The following ACSL6 variants were observed in gnomAD, a reference collection of about 807,000 sequenced individuals.
ACSL6 encodes the protein acyl-CoA synthetase long chain family member 6, also known as long-chain-fatty-acid--CoA ligase 6.
ACSL6 carries 47 observed loss-of-function variants against 98.2 expected under a neutral mutation model. The observed-to-expected ratio is 0.48, with a 90% CI of 0.38 to 0.61. The LOEUF is 0.61. ACSL6 is among the 20% of genes least tolerant of loss of function. The pLI is 0.00. For synonymous variants in ACSL6, 362 were observed against 336.9 expected (o/e 1.07, Z -0.82); for missense variants, 761 against 913.4 (o/e 0.83, Z 2.15).
At chr5:131,987,975 C>T (rs1043574903) in intron 7 of ACSL6, 73 bp downstream of exon 7, 1 of 1,571,274 alleles carries the variant, frequency 6.4e-7, no homozygotes, top group Admixed American at 1.7e-5. Context: ...ATGAGAGGGA[C>T]AGATAACCAG....
chr5:131,966,638 G>T, intron 16 of ACSL6, 106 bp from the exon 17 acceptor site: 1 of 954,634 alleles, frequency 1.0e-6, no homozygotes. Context: ...CATCAGGAAA[G>T]CCACTGTGGA....
chr5:132,010,844 G>C (rs1755678631), intron 1 of ACSL6, among the ~76,000 whole-genome samples: 1 of 152,202 alleles, frequency 6.6e-6, no homozygotes, highest in Admixed American at 6.5e-5. Context: ...AGGGAGGTAA[G>C]CGCGGAGGCG....
Position 131,970,168 on chromosome 5 carries a change from T to C in ACSL6, c.1467A>G (p.Thr489=). The C allele has an allele frequency of 1.2e-6, 2 of 1,614,150 alleles. No individual in the cohort carries two copies. Among genetic ancestry groups the C allele is most frequent in the African/African-American group, 1.3e-5 (1 of 75,014 alleles). The part of the protein sequence containing the change: ...VYEGYGQTEC[T]AGCTFTTPGD... The stretch of plus-strand genomic sequence containing the variant: ...CAGGAGTGGTGAAGGTACATCCAGC[T>C]GTGCACTCAGTTTGGCCATAACCTT... Residue 489 remains threonine, a synonymous_variant, in exon 15 of 21, where the codon ACA becomes ACG. Transcript: ENST00000651883.
chr5:132,011,980 G>A, upstream of ACSL6: 1 of 1,508,628 alleles, frequency 6.6e-7, no homozygotes, highest in South Asian at 1.3e-5. This position sits in a 1 kb window ranked among gnomAD's most constrained non-coding sequence, Gnocchi z 5.4. Flanking sequence ...GTGACATTGA[G>A]CCCACCCCGC....
Position 132,011,565 on chromosome 5 carries a change from G to T in ACSL6, c.-12C>A, listed in dbSNP as rs1393306123. The T allele has an allele frequency of 1.3e-6, 2 of 1,573,742 alleles. No individual in the cohort carries two copies. The highest frequency in any genetic ancestry group is 1.7e-6 in the Non-Finnish European group (2 of 1,161,898). ...AAGAAGGTCAGCATGGCGGTCAGCGGGGCCCGGCCCGGCCCGGCCCGGCCT... is the reference window on the plus strand; with the variant it reads ...AAGAAGGTCAGCATGGCGGTCAGCGTGGCCCGGCCCGGCCCGGCCCGGCCT... On this transcript the variant is annotated 5_prime_UTR_variant, in exon 1 of 21. Transcript: ENST00000651883. The surrounding 1 kb of genome is among the most constrained non-coding windows in gnomAD (Gnocchi z 5.4).
chr5:131,965,147 C>A (rs1752946311), intron 17 of ACSL6, among the ~76,000 whole-genome samples: 1 of 152,208 alleles, frequency 6.6e-6, no homozygotes, highest in Non-Finnish European at 1.5e-5. Context: ...GCCCACTCAG[C>A]CTGCCTTGGG....
At position 131,999,130 on chromosome 5, in the gene ACSL6, G is replaced by A. The variant is rs148218244; in HGVS notation, c.50-4879C>T. Among the ~76,000 whole-genome samples the A allele has an allele frequency of 2.9e-3, 433 of 151,740 alleles. 5 individuals carry two copies. Among genetic ancestry groups the A allele is most frequent in the African/African-American group, 0.01 (417 of 41,338 alleles). On this transcript the variant is annotated intron_variant, in intron 1 of 20. Transcript: ENST00000651883. ...CCAGGGCCCAGGGACCCTAGCAAAC[G>A]AGCTTGGGAGAGGACCCAAAGTGGG... is the stretch of plus-strand genomic sequence containing the variant.
chr5:131,981,523 AAG>A (rs1753895126), intron 9 of ACSL6, among the ~76,000 whole-genome samples: 1 of 152,136 alleles, frequency 6.6e-6, no homozygotes, highest in Admixed American at 6.5e-5. Flanking sequence ...ATTATCCCAG[AAG>A]ACACCCTCTA....
intron 19 of ACSL6, chr5:131,959,926 A>T (rs1752612777): frequency 2.5e-6 from 1 of 394,132 alleles, no homozygotes; most frequent in East Asian, 5.2e-5. Flanking sequence ...CCCGTAGGAG[A>T]GGGAGGGTCT....
intron 1 of ACSL6, among the ~76,000 whole-genome samples, chr5:132,008,330 T>A (rs991941930): frequency 2.0e-5 from 3 of 152,226 alleles, no homozygotes; most frequent in Non-Finnish European, 4.4e-5. Flanking sequence ...TGTGCAAGTC[T>A]ATGCTTGCCC....
chr5:131,974,670 C>T lies in ACSL6; in HGVS notation c.1068+223G>A. The stretch of plus-strand genomic sequence containing the variant: ...CCTTCTGAGGACAGGGCAGTTTGGT[C>T]CTACTTCATGCCACCAGTGACAAGT... On this transcript the variant is annotated intron_variant, in intron 11 of 20. Transcript: ENST00000651883. 9.5e-6 allele frequency: 14 copies of T among 1,469,746 alleles called. No individual in the cohort carries two copies. In the South Asian group the frequency reaches 1.7e-4, roughly 18 times the overall value. The allele number at this position is 1,469,746 out of a possible 1,614,324, so 91.0% of individuals were successfully genotyped here. A position where few individuals can be genotyped will look rare whatever the true frequency, so the allele number is the denominator to read the frequency against.
intron 1 of ACSL6, among the ~76,000 whole-genome samples, chr5:131,999,094 T>C (rs1364434442): frequency 6.6e-6 from 1 of 152,118 alleles, no homozygotes; most frequent in African/African-American, 2.4e-5. Flanking sequence ...AAAAGAAAAC[T>C]ACAACCTCTC....
intron 9 of ACSL6, among the ~76,000 whole-genome samples, chr5:131,977,071 T>C (rs548231527): frequency 1.3e-5 from 2 of 152,110 alleles, no homozygotes; most frequent in African/African-American, 4.8e-5. Context: ...CCCTTACATA[T>C]AGCAAGGGCT....
intron 10 of ACSL6, among the ~76,000 whole-genome samples, 200 bp downstream of exon 10, chr5:131,976,448 A>G (rs1247801377): frequency 1.3e-5 from 2 of 152,090 alleles, no homozygotes; most frequent in African/African-American, 4.8e-5. Context: ...CGTATGGGTC[A>G]TTTCAGTATT....
Position 131,975,352 on chromosome 5 carries a change from G to A in ACSL6, c.991-382C>T, listed in dbSNP as rs893078684. On this transcript the variant is annotated intron_variant, in intron 10 of 20. Transcript: ENST00000651883. ...GCCTGCCCCTCACTTGCAGTCAGTC[G>A]GCTCTAGCCCGGCTCTCTCCCCTTC... 9.1e-6 allele frequency: 9 copies of A among 985,278 alleles called. No individual in the cohort carries two copies. The South Asian group carries it at 1.4e-4, about 15-fold the overall frequency. The allele number at this position is 985,278 out of a possible 1,614,324, so 61.0% of individuals were successfully genotyped here.
At position 132,011,328 on chromosome 5, in the gene ACSL6, C is replaced by T; in HGVS notation, c.49+177G>A. On this transcript the variant is annotated intron_variant, in intron 1 of 20. Coordinates refer to ENST00000651883, the MANE Select transcript of ACSL6 (RefSeq NM_001009185.3). The surrounding 1 kb of genome is among the most constrained non-coding windows in gnomAD (Gnocchi z 5.4). ...GTGCTCCCCAAACCCGGCCCGGAGCCCGCGAGAACTGGGGGCGGAGGGTGT... is the reference window on the plus strand; with the variant it reads ...GTGCTCCCCAAACCCGGCCCGGAGCTCGCGAGAACTGGGGGCGGAGGGTGT... 1 of 677,016 alleles carries T rather than the reference C, an allele frequency of 1.5e-6. No homozygotes were observed. The highest frequency in any genetic ancestry group is 2.5e-6 in the Non-Finnish European group (1 of 392,374). The allele number at this position is 677,016 out of a possible 1,614,324, so 41.9% of individuals were successfully genotyped here.
intron 2 of ACSL6, 38 bp downstream of exon 2, chr5:131,993,993 C>T (rs201850960): frequency 1.9e-6 from 3 of 1,600,224 alleles, no homozygotes; most frequent in Non-Finnish European, 2.6e-6. Context: ...TCCTCTGCCC[C>T]CTACTTTCCG....
chr5:131,994,285 C>T (rs1754679827), intron 1 of ACSL6, 34 bp from the exon 2 acceptor site: 1 of 1,562,620 alleles, frequency 6.4e-7, no homozygotes, highest in Non-Finnish European at 8.7e-7. Flanking sequence ...AGGCAAGAGA[C>T]CTGACGGGCA....
chr5:131,970,261 C>A (rs1232670872), intron 14 of ACSL6, 61 bp from the exon 15 acceptor site: 1 of 1,512,008 alleles, frequency 6.6e-7, no homozygotes, highest in Non-Finnish European at 9.2e-7. Context: ...TAACTGGCCA[C>A]CCCTTCCAGA....
Sources: allele counts gnomAD v4.1 joint callset (sites outside exome capture counted in the v4.1 genomes callset), GRCh38; gene constraint gnomAD v4.1.1; non-coding constraint Gnocchi (gnomAD v3.1); transcripts MANE v1.5; gene names NCBI Gene and HGNC (gene_info 2026-07-23, HGNC 2026-07-21).